Variants in AGO3 observed in about 807,000 individuals in gnomAD.
AGO3 encodes the protein protein argonaute-3.
Under a neutral mutation model 105.5 loss-of-function variants are expected in AGO3, and 16 were observed. That is an observed-to-expected ratio of 0.15 (90% CI 0.10 to 0.23). AGO3 has a LOEUF of 0.23. AGO3 is among the 10% of genes least tolerant of loss of function. The pLI is 1.00. For missense variants in AGO3, 534 were observed against 1,088.0 expected (o/e 0.49, Z 7.16); for synonymous variants, 340 against 367.3 (o/e 0.93, Z 0.85).
intron 5 of AGO3, among the ~76,000 whole-genome samples, chr1:35,995,889 G>A (rs1266322199): frequency 6.6e-6 from 1 of 152,130 alleles, no homozygotes; most frequent in South Asian, 2.1e-4. Context: ...TGTTGGCCAG[G>A]CTGGTCTCGA....
At chr1:36,040,827 C>T (rs1317968181) in intron 16 of AGO3, among the ~76,000 whole-genome samples, 1 of 152,042 alleles carries the variant, frequency 6.6e-6, no homozygotes, top group Non-Finnish European at 1.5e-5. Flanking sequence ...AATTCCAGCA[C>T]CTTGGGAGGC....
intron 11 of AGO3, among the ~76,000 whole-genome samples, chr1:36,017,026 C>G (rs1448374111): frequency 6.6e-6 from 1 of 152,064 alleles, no homozygotes; most frequent in African/African-American, 2.4e-5. Flanking sequence ...ACTCTGTTAC[C>G]AAGATTTTGG....
rs533046150 is a variant in AGO3 at position 35,985,869 on chromosome 1, T to C, written c.658+12358T>C. Reference sequence around the variant, plus strand: ...ATATAACTGAGAACTTTACAAAATATAAGAACAGATAAATTGAAAAATAGG... The same window carrying C: ...ATATAACTGAGAACTTTACAAAATACAAGAACAGATAAATTGAAAAATAGG... On this transcript the variant is annotated intron_variant, in intron 5 of 18. Transcript: ENST00000373191. Among the ~76,000 whole-genome samples, 5 of 152,242 alleles carry C rather than the reference T, an allele frequency of 3.3e-5. No individual in the cohort carries two copies. In the South Asian group the frequency reaches 6.2e-4, roughly 19 times the overall value.
chr1:36,029,737 G>C (rs1183523914), intron 12 of AGO3, among the ~76,000 whole-genome samples: 1 of 138,496 alleles, frequency 7.2e-6, no homozygotes, highest in African/African-American at 2.7e-5. Flanking sequence ...CTGTTGCCCA[G>C]GCTGGAGTGC....
chr1:35,979,476 TATATTC>T (rs1647011832), intron 5 of AGO3, among the ~76,000 whole-genome samples: 1 of 132,428 alleles, frequency 7.6e-6, no homozygotes, highest in Non-Finnish European at 1.6e-5. Flanking sequence ...GAAAATAAGA[TATATTC>T]ATATATTAGT....
chr1:35,933,379 A>G (rs1646089161), intron 1 of AGO3, among the ~76,000 whole-genome samples: 1 of 152,112 alleles, frequency 6.6e-6, no homozygotes, highest in Non-Finnish European at 1.5e-5. Context: ...GTGGTGGTTC[A>G]TGCCTGTAAT....
chr1:36,014,701 G>A (rs966267145), intron 11 of AGO3, among the ~76,000 whole-genome samples: 4 of 150,774 alleles, frequency 2.7e-5, no homozygotes, highest in Admixed American at 1.3e-4. Flanking sequence ...AACCCAGGAG[G>A]CGGAGCTTGT....
intron 17 of AGO3, among the ~76,000 whole-genome samples, chr1:36,053,144 G>A (rs868620105): frequency 4.0e-5 from 6 of 151,752 alleles, no homozygotes; most frequent in Admixed American, 2.6e-4. Context: ...TTTTTATTAC[G>A]GAACTTTTGA....
intron 2 of AGO3, among the ~76,000 whole-genome samples, chr1:35,957,619 G>A (rs539034543): frequency 6.6e-6 from 1 of 151,766 alleles, no homozygotes; most frequent in South Asian, 2.1e-4. Flanking sequence ...CCAGCTACTC[G>A]GGAGGCTGAG....
At chr1:36,002,993 C>T (rs1342577687) in intron 5 of AGO3, among the ~76,000 whole-genome samples, 2 of 152,130 alleles carry the variant, frequency 1.3e-5, no homozygotes, top group African/African-American at 4.8e-5. Context: ...ATTGCTTGAA[C>T]CTGGGAGGGG....
chr1:35,964,036 C>T (rs970022732), intron 2 of AGO3, among the ~76,000 whole-genome samples: 1 of 151,952 alleles, frequency 6.6e-6, no homozygotes, highest in Non-Finnish European at 1.5e-5. Flanking sequence ...ATGTGTTAGG[C>T]ATCAAAGCAG....
intron 4 of AGO3, 130 bp from the exon 5 acceptor site, chr1:35,973,245 C>A: frequency 9.7e-7 from 1 of 1,025,870 alleles, no homozygotes; most frequent in Non-Finnish European, 1.3e-6. Context: ...AAATTTGGAA[C>A]ATGTTTAGTT....
At chr1:35,957,368 G>A (rs909753079) in intron 2 of AGO3, among the ~76,000 whole-genome samples, 2 of 148,196 alleles carry the variant, frequency 1.3e-5, no homozygotes, top group South Asian at 4.3e-4. Context: ...ACAAAAAAAA[G>A]AAGTCAGTGG....
chr1:35,957,347 C>T (rs907322777), intron 2 of AGO3, among the ~76,000 whole-genome samples: 1 of 144,654 alleles, frequency 6.9e-6, no homozygotes, highest in Admixed American at 6.9e-5. Flanking sequence ...CAGAGCGAGA[C>T]TGTCTCAAAA....
At chr1:36,017,462 T>C (rs1285457940) in intron 11 of AGO3, among the ~76,000 whole-genome samples, 2 of 152,246 alleles carry the variant, frequency 1.3e-5, no homozygotes, top group East Asian at 3.8e-4. Context: ...GCAATTCTAT[T>C]ATCTAGCACA....
intron 5 of AGO3, among the ~76,000 whole-genome samples, chr1:35,993,337 G>A (rs1428871914): frequency 6.6e-6 from 1 of 151,958 alleles, no homozygotes; most frequent in South Asian, 2.1e-4. Flanking sequence ...GCCAACTGTT[G>A]GTTATTTAAA....
chr1:36,035,410 A>G (rs965855507), intron 13 of AGO3, among the ~76,000 whole-genome samples: 1 of 152,112 alleles, frequency 6.6e-6, no homozygotes, highest in Non-Finnish European at 1.5e-5. Context: ...CAAAAAAACA[A>G]TAATAACATA....
intron 1 of AGO3, among the ~76,000 whole-genome samples, chr1:35,931,930 C>T (rs1338780835): frequency 1.3e-5 from 2 of 152,314 alleles, no homozygotes; most frequent in Non-Finnish European, 2.9e-5. Flanking sequence ...ATTGCTCCTA[C>T]CCTCGAGTTC....
intron 17 of AGO3, among the ~76,000 whole-genome samples, chr1:36,054,400 G>C (rs963758591): frequency 1.3e-5 from 2 of 151,708 alleles, no homozygotes; most frequent in Admixed American, 1.3e-4. Flanking sequence ...AGCCTCCCAA[G>C]TAGCTGGGAC....
Sources: allele counts gnomAD v4.1 joint callset (sites outside exome capture counted in the v4.1 genomes callset), GRCh38; gene constraint gnomAD v4.1.1; transcripts MANE v1.5; gene names NCBI Gene and HGNC (gene_info 2026-07-23, HGNC 2026-07-21).